The following BRINP1 variants were observed in gnomAD, a reference collection of about 807,000 sequenced individuals.
The protein encoded by BRINP1 is BMP/retinoic acid-inducible neural-specific protein 1.
A neutral mutation model predicts 72.9 loss-of-function variants in BRINP1; 17 were observed. The observed-to-expected ratio is 0.23, with a 90% CI of 0.16 to 0.35. BRINP1 has a LOEUF of 0.35. Ranked by LOEUF, BRINP1 falls within the 10% of genes least tolerant of loss-of-function variation. The probability of loss-of-function intolerance (pLI) is 1.00; values close to 1 mark genes in which losing one functional copy is unlikely to be tolerated. For synonymous variants in BRINP1, 418 were observed against 378.5 expected, an observed-to-expected ratio of 1.10 and a Z score of -1.21; for missense variants, 850 against 1,001.6, an observed-to-expected ratio of 0.85 and a Z score of 2.04.
At chr9:119,241,784 A>C (rs960737466) in intron 4 of BRINP1, among the ~76,000 whole-genome samples, 10 of 152,220 alleles carry the variant, frequency 6.6e-5, no homozygotes, top group African/African-American at 2.4e-4. Context: ...CAGAAGACTG[A>C]ATGAGAGAAC....
intron 5 of BRINP1, among the ~76,000 whole-genome samples, chr9:119,216,660 G>A (rs1433955653): frequency 6.6e-6 from 1 of 152,124 alleles, no homozygotes; most frequent in Non-Finnish European, 1.5e-5. Context: ...TTAAGTTTCT[G>A]TTGCTTAAAG....
chr9:119,260,790 T>C (rs1366012920), intron 2 of BRINP1, among the ~76,000 whole-genome samples: 1 of 152,172 alleles, frequency 6.6e-6, no homozygotes. Context: ...AACAAGGTAA[T>C]TGATTTAGTA....
At position 119,213,438 on chromosome 9, in the gene BRINP1, A is replaced by G. The variant is rs116042079; in HGVS notation, c.922+481T>C. ...ACCAGAAAAGAGACTTTGAGCTTTG[A>G]TAGTCTGTAGATTCTTTGGATATCT... On this transcript the variant is annotated intron_variant, in intron 6 of 7. Transcript: ENST00000265922. 5.9e-3 allele frequency among the ~76,000 whole-genome samples: 899 copies of G among 152,340 alleles called. 6 individuals carry two copies. Among genetic ancestry groups the G allele is most frequent in the African/African-American group, 0.019 (779 of 41,580 alleles).
chr9:119,286,527 C>A (rs1486488034), intron 2 of BRINP1, among the ~76,000 whole-genome samples: 1 of 152,224 alleles, frequency 6.6e-6, no homozygotes, highest in Non-Finnish European at 1.5e-5. Context: ...AGCCACTGCG[C>A]CCGGCCATCG....
chr9:119,173,082 T>G (rs558816633), intron 7 of BRINP1, among the ~76,000 whole-genome samples: 1 of 145,902 alleles, frequency 6.9e-6, no homozygotes, highest in Admixed American at 6.8e-5. Flanking sequence ...AAGACAGGGA[T>G]GCCCTCTCTC....
intron 6 of BRINP1, among the ~76,000 whole-genome samples, chr9:119,211,962 T>A (rs1262712374): frequency 6.6e-6 from 1 of 152,346 alleles, no homozygotes; most frequent in African/African-American, 2.4e-5. Flanking sequence ...AGAGTCTTAC[T>A]CCTTGTGCAT....
At chr9:119,182,202 AAAC>A (rs894865735) in intron 7 of BRINP1, among the ~76,000 whole-genome samples, 4 of 152,230 alleles carry the variant, frequency 2.6e-5, no homozygotes, top group Non-Finnish European at 4.4e-5. Context: ...GAAAAAAGTA[AAAC>A]AACAACATCA....
intron 1 of BRINP1, among the ~76,000 whole-genome samples, chr9:119,336,807 T>A (rs1042507411): frequency 6.6e-6 from 1 of 151,640 alleles, no homozygotes; most frequent in Admixed American, 6.6e-5. Flanking sequence ...TGTGTTTGCT[T>A]GACAGAATGG....
At chr9:119,170,116 A>ACAAAGCTG (rs1829385707) in intron 7 of BRINP1, among the ~76,000 whole-genome samples, 1 of 152,158 alleles carries the variant, frequency 6.6e-6, no homozygotes, top group Admixed American at 6.5e-5. Context: ...CAGCAACGGA[A>ACAAAGCTG]CAAAGCTGGA....
intron 1 of BRINP1, among the ~76,000 whole-genome samples, chr9:119,366,047 C>T (rs1831687388): frequency 6.6e-6 from 1 of 152,138 alleles, no homozygotes; most frequent in African/African-American, 2.4e-5. Flanking sequence ...TACATTTCTC[C>T]TTCCCTGGAG....
At chr9:119,253,957 C>T (rs1830419913) in intron 2 of BRINP1, among the ~76,000 whole-genome samples, 1 of 152,156 alleles carries the variant, frequency 6.6e-6, no homozygotes, top group African/African-American at 2.4e-5. Flanking sequence ...GCAACCATTA[C>T]AGGGATGTTG....
At chr9:119,208,278 C>A (rs1829880949) in intron 7 of BRINP1, among the ~76,000 whole-genome samples, 1 of 152,136 alleles carries the variant, frequency 6.6e-6, no homozygotes, top group South Asian at 2.1e-4. Context: ...GTCACTCACT[C>A]CTGGCTCTGC....
chr9:119,280,237 T>G (rs1479832763), intron 2 of BRINP1, among the ~76,000 whole-genome samples: 3 of 108,456 alleles, frequency 2.8e-5, no homozygotes, highest in South Asian at 3.4e-4. Flanking sequence ...AAATAAGTAG[T>G]TTTTTTTTCT....
intron 7 of BRINP1, among the ~76,000 whole-genome samples, chr9:119,194,527 T>C (rs959546802): frequency 2.6e-5 from 4 of 152,238 alleles, no homozygotes; most frequent in African/African-American, 9.6e-5. Context: ...CAATCAGATG[T>C]GTCCCTTTAG....
chr9:119,366,770 A>C (rs1831696835), intron 1 of BRINP1, among the ~76,000 whole-genome samples: 1 of 151,802 alleles, frequency 6.6e-6, no homozygotes. Context: ...AGGAGTGGAA[A>C]GGGTATTGAT....
chr9:119,313,093 G>A, intron 2 of BRINP1, 45 bp downstream of exon 2: 2 of 1,587,390 alleles, frequency 1.3e-6, no homozygotes, highest in Non-Finnish European at 1.7e-6. Context: ...ACTCCACAAA[G>A]CATAATATGA....
intron 7 of BRINP1, among the ~76,000 whole-genome samples, chr9:119,171,018 T>C (rs898639519): frequency 6.9e-6 from 1 of 145,642 alleles, no homozygotes; most frequent in Admixed American, 6.7e-5. Context: ...TACCAGCCGC[T>C]GCAAAATCAT....
intron 2 of BRINP1, among the ~76,000 whole-genome samples, chr9:119,273,175 C>T (rs1248000801): frequency 6.6e-6 from 1 of 152,220 alleles, no homozygotes. Flanking sequence ...ACAGAATGAA[C>T]TCAGGATCCT....
At chr9:119,282,802 A>G in intron 2 of BRINP1, 1 of 985,280 alleles carries the variant, frequency 1.0e-6, no homozygotes, top group Non-Finnish European at 1.2e-6. Context: ...TTTCATGTTG[A>G]GTGAAACCAA....
Sources: gnomAD v4.1 joint callset for allele counts (sites outside exome capture counted in the v4.1 genomes callset) on GRCh38, gnomAD v4.1.1 for gene constraint, MANE v1.5 for transcripts, NCBI Gene and HGNC (gene_info 2026-07-23, HGNC 2026-07-21) for gene names.